The following ECPAS variants were observed in gnomAD, a reference collection of about 807,000 sequenced individuals.
The protein encoded by ECPAS is proteasome adapter and scaffold protein ECM29.
ECPAS carries 70 observed loss-of-function variants against 255.1 expected under a neutral mutation model. The ratio of observed to expected loss-of-function variants is 0.27; its 90% CI spans 0.23 to 0.33. The LOEUF is 0.33. Ranked by LOEUF, ECPAS falls within the 10% of genes least tolerant of loss-of-function variation. ECPAS has a pLI of 1.00. For missense variants in ECPAS, 1,817 were observed against 2,206.4 expected (o/e 0.82, Z 3.54); for synonymous variants, 784 against 775.0 (o/e 1.01, Z -0.19).
Position 111,375,219 on chromosome 9 carries a change from A to G in ECPAS, c.4021-17T>C, listed in dbSNP as rs780974656. ...TTGCAGGCACTTTTGAAAAAGGACAAATATAAAGGTAAGCCTTGGCAAATA... is the reference window on the plus strand; with the variant it reads ...TTGCAGGCACTTTTGAAAAAGGACAGATATAAAGGTAAGCCTTGGCAAATA... On this transcript the variant is annotated splice_polypyrimidine_tract_variant and intron_variant, in intron 37 of 49. Coordinates refer to ENST00000684092, the MANE Select transcript of ECPAS (RefSeq NM_001364929.1). The G allele has an allele frequency of 6.2e-7, 1 of 1,603,902 alleles. No homozygotes were observed. The highest frequency in any genetic ancestry group is 2.2e-5 in the East Asian group (1 of 44,776).
chr9:111,421,979 G>A lies in ECPAS; in HGVS notation c.1397C>T (p.Thr466Ile), dbSNP rs16916091. The part of the protein sequence containing the change: ...ALSMMVGAYS[T>I]LEGAQRTLME... ...GAGAGTTCGCTGTGCCCCTTCCAAA[G>A]TACTATACGCTCCAACCATCATAGA... The change falls in exon 15 of 50, where the codon ACT (threonine) becomes ATT (isoleucine). Residue 466 changes from threonine to isoleucine, a missense_variant. Coordinates refer to ENST00000684092, the MANE Select transcript of ECPAS (RefSeq NM_001364929.1). 6.2e-7 allele frequency: 1 copy of A among 1,613,664 alleles called. No homozygotes were observed. Among genetic ancestry groups the A allele is most frequent in the Non-Finnish European group, 8.5e-7 (1 of 1,179,768 alleles).
chr9:111,392,144 G>A (rs1454835781), intron 28 of ECPAS, among the ~76,000 whole-genome samples: 1 of 152,184 alleles, frequency 6.6e-6, no homozygotes, highest in African/African-American at 2.4e-5. Context: ...GGAGGCTGAG[G>A]CGGGAGAGTC....
At chr9:111,468,862 G>A (rs2098282782) in intron 2 of ECPAS, among the ~76,000 whole-genome samples, 1 of 152,092 alleles carries the variant, frequency 6.6e-6, no homozygotes, top group Admixed American at 6.6e-5. Context: ...AGGAGTTTGA[G>A]GCTAAAACTA....
chr9:111,413,819 C>A (rs2098198775), intron 20 of ECPAS, 76 bp downstream of exon 20: 7 of 911,584 alleles, frequency 7.7e-6, no homozygotes, highest in African/African-American at 1.7e-5. Flanking sequence ...AGGGATCCCG[C>A]TGGCAGGAAA....
chr9:111,414,565 G>C lies in ECPAS; in HGVS notation c.1851C>G (p.Ala617=). 2 of 1,613,980 alleles carry C rather than the reference G, an allele frequency of 1.2e-6. No individual in the cohort carries two copies. Among genetic ancestry groups the C allele is most frequent in the Admixed American group, 1.7e-5 (1 of 60,020 alleles). ...TCCGTATGTAGCGCCCAATGGCTGG[G>C]GCATGATCCTGCATATCAGCCAAAC... ...SQSLADMQDH[A]PAIGRYIRTL... The change falls in exon 19 of 50, where the codon GCC becomes GCG. Residue 617 remains alanine (A), a synonymous_variant. Transcript: ENST00000684092.
chr9:111,418,670 G>A (rs1462941625), intron 16 of ECPAS, among the ~76,000 whole-genome samples: 1 of 152,160 alleles, frequency 6.6e-6, no homozygotes, highest in East Asian at 1.9e-4. Context: ...AACCTAAGAA[G>A]GAAAACTGTT....
intron 1 of ECPAS, among the ~76,000 whole-genome samples, chr9:111,476,434 T>C (rs2098296358): frequency 6.6e-6 from 1 of 152,108 alleles, no homozygotes; most frequent in Non-Finnish European, 1.5e-5. Context: ...ACTCTAAGCA[T>C]AAGGAAAGAA....
intron 2 of ECPAS, among the ~76,000 whole-genome samples, chr9:111,458,630 T>C (rs2098269694): frequency 6.6e-6 from 1 of 150,656 alleles, no homozygotes; most frequent in Admixed American, 6.6e-5. Flanking sequence ...AGGGGAAGGG[T>C]TGGAGAGGGA....
chr9:111,385,962 T>C (rs947284058), intron 32 of ECPAS, among the ~76,000 whole-genome samples: 10 of 152,240 alleles, frequency 6.6e-5, no homozygotes, highest in Admixed American at 4.6e-4. Context: ...TTTTTTGTTT[T>C]GCTTTGTTTT....
intron 36 of ECPAS, among the ~76,000 whole-genome samples, chr9:111,377,585 G>A (rs553113473): frequency 6.6e-6 from 1 of 152,274 alleles, no homozygotes; most frequent in East Asian, 1.9e-4. Context: ...AAGAATAAGT[G>A]TATATATAGA....
chr9:111,479,103 C>A (rs752585188), intron 1 of ECPAS, among the ~76,000 whole-genome samples: 1 of 151,978 alleles, frequency 6.6e-6, no homozygotes, highest in Non-Finnish European at 1.5e-5. Flanking sequence ...ACCTAAGAAG[C>A]CTGTTTCTCT....
chr9:111,455,790 G>A (rs1434633207), intron 2 of ECPAS, among the ~76,000 whole-genome samples: 2 of 152,140 alleles, frequency 1.3e-5, no homozygotes, highest in Non-Finnish European at 2.9e-5. Flanking sequence ...ACTCACTTCT[G>A]GAGGAATCAA....
chr9:111,483,870 C>T (rs868475354), intron 1 of ECPAS: 50 of 464,850 alleles, frequency 1.1e-4, no homozygotes, highest in Middle Eastern at 1.1e-3. Context: ...CCGCGCTCGC[C>T]CAACTCACGC....
At chr9:111,427,628 G>A (rs1221793001) in intron 10 of ECPAS, among the ~76,000 whole-genome samples, 1 of 152,196 alleles carries the variant, frequency 6.6e-6, no homozygotes, top group Non-Finnish European at 1.5e-5. Flanking sequence ...CAAATCTAAA[G>A]ATGAAATTCA....
intron 4 of ECPAS, among the ~76,000 whole-genome samples, chr9:111,443,570 G>A (rs1482777581): frequency 6.6e-6 from 1 of 152,136 alleles, no homozygotes; most frequent in African/African-American, 2.4e-5. Flanking sequence ...CTTTACTAAA[G>A]TAAATGGGCT....
intron 34 of ECPAS, 82 bp from the exon 35 acceptor site, chr9:111,383,414 C>G: frequency 6.8e-7 from 1 of 1,479,396 alleles, no homozygotes; most frequent in Non-Finnish European, 9.1e-7. Context: ...CTTTCTACTT[C>G]ACATATCTAC....
At chr9:111,450,288 G>C (rs956670382) in intron 3 of ECPAS, among the ~76,000 whole-genome samples, 3 of 152,184 alleles carry the variant, frequency 2.0e-5, no homozygotes, top group African/African-American at 7.2e-5. Context: ...CCACAGAAGG[G>C]TTTTAAATAG....
chr9:111,376,391 T>C, intron 37 of ECPAS, 85 bp downstream of exon 37: 1 of 1,120,548 alleles, frequency 8.9e-7, no homozygotes, highest in East Asian at 2.6e-5. Flanking sequence ...AAGTCTCTGC[T>C]TCATTTAACA....
chr9:111,363,601 A>G lies in ECPAS; in HGVS notation c.5367T>C (p.Leu1789=). 6.3e-7 allele frequency: 1 copy of G among 1,578,350 alleles called. No homozygotes were observed. Among genetic ancestry groups the G allele is most frequent in the Non-Finnish European group, 8.7e-7 (1 of 1,155,544 alleles). The stretch of plus-strand genomic sequence containing the variant: ...ACAACAACTTACCTTCAAGTTTTTT[A>G]AGCAGCAATTCTATCACAGATAAAG... ...TEALSVIELL[L]KKLEESKQWE... is the part of the protein sequence containing the mutation. Residue 1789 remains leucine, a synonymous_variant, in exon 49 of 50, where the codon CTT becomes CTC. Transcript: ENST00000684092.
Sources: allele counts gnomAD v4.1 joint callset (sites outside exome capture counted in the v4.1 genomes callset), GRCh38; gene constraint gnomAD v4.1.1; transcripts MANE v1.5; gene names NCBI Gene and HGNC (gene_info 2026-07-23, HGNC 2026-07-21).